ASTN2: variants seen among roughly 807,000 people sequenced by gnomAD.
ASTN2 encodes the protein astrotactin-2.
Under a neutral mutation model 139.8 loss-of-function variants are expected in ASTN2, and 54 were observed. The ratio of observed to expected loss-of-function variants is 0.39; its 90% confidence interval spans 0.31 to 0.48. The LOEUF is 0.48. Among genes scored for constraint, ASTN2 ranks in the 20% least tolerant of loss-of-function variants. The pLI is 0.95. For synonymous variants in ASTN2, 756 were observed against 719.5 expected, an observed-to-expected ratio of 1.05 and a Z score of -0.81; for missense variants, 1,565 against 1,725.1, an observed-to-expected ratio of 0.91 and a Z score of 1.64.
At chr9:117,401,927 T>C (rs1283835819) in intron 1 of ASTN2, among the ~76,000 whole-genome samples, 2 of 152,170 alleles carry the variant, frequency 1.3e-5, no homozygotes, top group African/African-American at 2.4e-5. Context: ...CCATGGGCTA[T>C]ATATAGTATG....
intron 19 of ASTN2, chr9:116,540,825 T>A (rs1234564975): frequency 1.3e-5 from 2 of 152,230 alleles, no homozygotes; most frequent in African/African-American, 4.8e-5. Flanking sequence ...CACCCATTTT[T>A]ATCTTGCAGT....
intron 10 of ASTN2, among the ~76,000 whole-genome samples, chr9:116,925,334 A>G (rs2132442352): frequency 6.6e-6 from 1 of 152,260 alleles, no homozygotes; most frequent in South Asian, 2.1e-4. Context: ...TATGAGGAGG[A>G]GTGAGGAGTC....
chr9:116,953,719 C>A (rs1363558265), intron 10 of ASTN2, among the ~76,000 whole-genome samples: 1 of 152,136 alleles, frequency 6.6e-6, no homozygotes, highest in African/African-American at 2.4e-5. Context: ...ACTATGTGCT[C>A]AACACTTGAT....
intron 9 of ASTN2, 49 bp downstream of exon 9, chr9:116,976,065 T>C: frequency 6.4e-7 from 1 of 1,562,410 alleles, no homozygotes; most frequent in South Asian, 1.1e-5. Flanking sequence ...TTCCTATCAG[T>C]CCTTTCTCCA....
At chr9:117,233,600 G>T (rs754950579) in intron 2 of ASTN2, among the ~76,000 whole-genome samples, 14 of 152,046 alleles carry the variant, frequency 9.2e-5, no homozygotes, top group Non-Finnish European at 1.5e-4. Context: ...GCAAATTTCT[G>T]CTCATCTTTT....
At position 117,031,570 on chromosome 9, in the gene ASTN2, T is replaced by C. The variant is rs138968731; in HGVS notation, c.1423+8249A>G. Among the ~76,000 whole-genome samples, 342 of 152,124 alleles carry C rather than the reference T, an allele frequency of 2.2e-3. 1 individual carries two copies. The highest frequency in any genetic ancestry group is 7.7e-3 in the African/African-American group (318 of 41,518). On this transcript the variant is annotated intron_variant, in intron 6 of 22. Coordinates refer to ENST00000313400, the MANE Select transcript of ASTN2 (RefSeq NM_001365068.1). The stretch of plus-strand genomic sequence containing the variant: ...GAAACCTAGCAAGAGAGAACAACAT[T>C]AACTAGATAAATTTAAAATTATACA...
intron 5 of ASTN2, among the ~76,000 whole-genome samples, chr9:117,093,923 T>C (rs1383400298): frequency 6.6e-6 from 1 of 152,178 alleles, no homozygotes; most frequent in Non-Finnish European, 1.5e-5. Context: ...CCCTTCCTTG[T>C]TGTCTCCTTT....
At chr9:117,182,365 C>T (rs1831096147) in intron 3 of ASTN2, among the ~76,000 whole-genome samples, 1 of 151,808 alleles carries the variant, frequency 6.6e-6, no homozygotes, top group African/African-American at 2.4e-5. Context: ...CCCACAGATG[C>T]ACACATGGCA....
At chr9:116,674,179 G>A (rs1859364572) in intron 16 of ASTN2, among the ~76,000 whole-genome samples, 1 of 152,184 alleles carries the variant, frequency 6.6e-6, no homozygotes, top group African/African-American at 2.4e-5. Flanking sequence ...CTGCTCCTGA[G>A]ATCAGTGCTT....
chr9:117,154,191 T>A (rs1184445375), intron 3 of ASTN2, among the ~76,000 whole-genome samples: 2 of 152,100 alleles, frequency 1.3e-5, no homozygotes, highest in Non-Finnish European at 2.9e-5. Context: ...TATTAAACTC[T>A]TAAAAATAGA....
chr9:117,241,836 C>T (rs1258589652), intron 2 of ASTN2, among the ~76,000 whole-genome samples: 1 of 151,796 alleles, frequency 6.6e-6, no homozygotes, highest in Non-Finnish European at 1.5e-5. Context: ...AATTAGAGAA[C>T]ATGTGATCCT....
intron 19 of ASTN2, among the ~76,000 whole-genome samples, chr9:116,571,340 G>A (rs1853504531): frequency 6.6e-6 from 1 of 152,172 alleles, no homozygotes; most frequent in African/African-American, 2.4e-5. Flanking sequence ...CTGGACTCCA[G>A]CCCTCCTTCC....
chr9:116,756,763 C>A (rs7020460), intron 13 of ASTN2, among the ~76,000 whole-genome samples: 144,619 of 151,920 alleles, frequency 0.95, 69,093 homozygotes, highest in Non-Finnish European at 0.99. Context: ...TAAGATGCTC[C>A]GAATAAAACA....
intron 3 of ASTN2, among the ~76,000 whole-genome samples, chr9:117,188,145 T>C (rs1588055142): frequency 6.8e-6 from 1 of 148,108 alleles, no homozygotes; most frequent in Non-Finnish European, 1.5e-5. Context: ...CAGTGAAAGA[T>C]GTGTGTGTGT....
At chr9:117,212,204 T>A (rs1397906066) in intron 3 of ASTN2, among the ~76,000 whole-genome samples, 1 of 152,070 alleles carries the variant, frequency 6.6e-6, no homozygotes, top group South Asian at 2.1e-4. Flanking sequence ...AAACTGAATA[T>A]GCATATGCAG....
intron 22 of ASTN2, among the ~76,000 whole-genome samples, chr9:116,431,136 T>G (rs1847483658): frequency 1.3e-5 from 2 of 152,174 alleles, no homozygotes; most frequent in South Asian, 4.1e-4. Flanking sequence ...ATGCCACTTT[T>G]CCGGGACTGT....
At chr9:116,757,396 G>A (rs1393072921) in intron 13 of ASTN2, among the ~76,000 whole-genome samples, 1 of 152,150 alleles carries the variant, frequency 6.6e-6, no homozygotes, top group East Asian at 1.9e-4. Flanking sequence ...CTGGGATCAC[G>A]GTGGGCATGG....
At chr9:117,286,031 T>G (rs1834441405) in intron 2 of ASTN2, among the ~76,000 whole-genome samples, 1 of 152,216 alleles carries the variant, frequency 6.6e-6, no homozygotes, top group Non-Finnish European at 1.5e-5. Context: ...TAGTAACTCT[T>G]GTGGAAATCT....
chr9:117,098,648 T>A (rs989461459), intron 4 of ASTN2, among the ~76,000 whole-genome samples: 34 of 152,030 alleles, frequency 2.2e-4, no homozygotes, highest in African/African-American at 8.0e-4. Flanking sequence ...CAGATGCAGT[T>A]CTCCATTTAA....
Sources: allele counts gnomAD v4.1 joint callset (sites outside exome capture counted in the v4.1 genomes callset), GRCh38; gene constraint gnomAD v4.1.1; transcripts MANE v1.5; gene names NCBI Gene and HGNC (gene_info 2026-07-23, HGNC 2026-07-21).